Variants in AKAP9 observed in about 807,000 individuals in gnomAD.
AKAP9 encodes A-kinase anchor protein 9.
Under a neutral mutation model 488.5 loss-of-function variants are expected in AKAP9, and 311 were observed. That is an observed-to-expected ratio of 0.64 (90% confidence interval 0.58 to 0.70). The LOEUF (loss-of-function observed/expected upper bound fraction) is 0.70, where lower values mean the gene tolerates loss of function less well. Ranked by LOEUF, AKAP9 falls within the 30% of genes least tolerant of loss-of-function variation. The pLI is 0.00. For synonymous variants in AKAP9, 1,462 were observed against 1,483.5 expected (o/e 0.99, Z 0.33); for missense variants, 4,215 against 4,374.5 (o/e 0.96, Z 1.03).
At position 92,070,904 on chromosome 7, in the gene AKAP9, G is replaced by C. The variant is rs1177271037; in HGVS notation, c.6508-1G>C. The C allele has an allele frequency of 3.1e-6, 5 of 1,604,724 alleles. No individual in the cohort carries two copies. Among genetic ancestry groups the C allele is most frequent in the Non-Finnish European group, 4.3e-6 (5 of 1,173,870 alleles). Reference sequence around the variant, plus strand: ...TTGAGAAAATTTTTATATATTTAAAGGTAGAGGACCGAAAACACTTTGGAG... The same window carrying C: ...TTGAGAAAATTTTTATATATTTAAACGTAGAGGACCGAAAACACTTTGGAG... On this transcript the variant is annotated splice_acceptor_variant, in intron 27 of 49. Coordinates refer to ENST00000356239, the MANE Select transcript of AKAP9 (RefSeq NM_005751.5). LOFTEE classifies it high-confidence loss of function.
intron 14 of AKAP9, among the ~76,000 whole-genome samples, chr7:92,025,496 AC>A (rs1230928897): frequency 6.6e-6 from 1 of 152,232 alleles, no homozygotes; most frequent in African/African-American, 2.4e-5. Context: ...TTTGGACATG[AC>A]TGTAACACAT....
At position 92,096,682 on chromosome 7, in the gene AKAP9, G is replaced by A. The variant is rs377255415; in HGVS notation, c.9730-7G>A. 1.1e-4 allele frequency: 181 copies of A among 1,613,756 alleles called. 2 individuals are homozygous for A. The highest frequency in any genetic ancestry group is 8.8e-4 in the South Asian group (80 of 90,938). On this transcript the variant is annotated splice_polypyrimidine_tract_variant and splice_region_variant and intron_variant, in intron 40 of 49. Coordinates refer to ENST00000356239, the MANE Select transcript of AKAP9 (RefSeq NM_005751.5). Reference sequence around the variant, plus strand: ...ACAAGTTCTTAAATTTGATTTTCTCGTACCAGGATCTGAAGTTTTCACTTG... The same window carrying A: ...ACAAGTTCTTAAATTTGATTTTCTCATACCAGGATCTGAAGTTTTCACTTG...
At chr7:91,979,919 C>T (rs116351350) in intron 2 of AKAP9, among the ~76,000 whole-genome samples, 1,600 of 152,146 alleles carry the variant, frequency 0.011, 25 homozygotes, top group African/African-American at 0.037. Context: ...CACAGTTAAC[C>T]ATGGGTAACT....
intron 18 of AKAP9, 193 bp downstream of exon 18, chr7:92,041,091 C>G: frequency 1.8e-6 from 1 of 546,506 alleles, no homozygotes; most frequent in Non-Finnish European, 3.2e-6. Context: ...AGCTTTAGAT[C>G]TTGTTAGGGA....
chr7:92,010,125 G>A (rs1800481286), intron 8 of AKAP9, among the ~76,000 whole-genome samples: 1 of 152,086 alleles, frequency 6.6e-6, no homozygotes, highest in South Asian at 2.1e-4. Context: ...GTAGGGGATT[G>A]GTCAGGGTGG....
chr7:91,956,658 G>T (rs1365528589), intron 1 of AKAP9, among the ~76,000 whole-genome samples: 2 of 150,854 alleles, frequency 1.3e-5, no homozygotes, highest in African/African-American at 4.9e-5. Flanking sequence ...ATTTTTTTTT[G>T]TAGAACATTA....
At chr7:92,013,406 G>A (rs1182388219) in intron 9 of AKAP9, among the ~76,000 whole-genome samples, 2 of 152,150 alleles carry the variant, frequency 1.3e-5, no homozygotes, top group Admixed American at 1.3e-4. Context: ...GTTATAGCTG[G>A]AGAGATTGGC....
intron 22 of AKAP9, 148 bp from the exon 23 acceptor site, chr7:92,061,112 C>A: frequency 4.4e-6 from 4 of 910,738 alleles, no homozygotes; most frequent in Admixed American, 2.1e-5. Context: ...ACCTGCTAAT[C>A]TTAGCATACA....
intron 1 of AKAP9, among the ~76,000 whole-genome samples, chr7:91,952,738 C>T (rs1238098672): frequency 6.6e-6 from 1 of 152,196 alleles, no homozygotes; most frequent in African/African-American, 2.4e-5. Flanking sequence ...AGGGCTCCAT[C>T]TTGAAAATCC....
chr7:92,101,958 T>C (rs1338026164), intron 45 of AKAP9, among the ~76,000 whole-genome samples: 2 of 151,756 alleles, frequency 1.3e-5, no homozygotes, highest in African/African-American at 4.8e-5. Flanking sequence ...GAGTTCGAGA[T>C]CAGCCTGGCC....
chr7:91,984,315 A>G (rs1796793440), intron 3 of AKAP9, among the ~76,000 whole-genome samples: 1 of 152,194 alleles, frequency 6.6e-6, no homozygotes, highest in South Asian at 2.1e-4. Flanking sequence ...TATAAGGTGT[A>G]AGGAAGGAGT....
At chr7:91,956,325 G>A (rs1000947141) in intron 1 of AKAP9, among the ~76,000 whole-genome samples, 6 of 151,174 alleles carry the variant, frequency 4.0e-5, no homozygotes, top group Non-Finnish European at 7.4e-5. Flanking sequence ...GCGTGGACCC[G>A]GGGGGCAGAA....
In AKAP9 at chr7:92,110,310, A is replaced by G. The variant is rs1819143242; in HGVS notation, c.*151A>G. On this transcript the variant is annotated 3_prime_UTR_variant, in exon 50 of 50. Coordinates refer to ENST00000356239, the MANE Select transcript of AKAP9 (RefSeq NM_005751.5). ...ACAAATCCCTTGCCAGCACATGAAA[A>G]CAAACTGGAATTTGTATATATAAGC... 1 of 652,368 alleles carries G rather than the reference A, an allele frequency of 1.5e-6. No homozygotes were observed. Among genetic ancestry groups the G allele is most frequent in the Non-Finnish European group, 2.7e-6 (1 of 371,930 alleles). The allele number at this position is 652,368 out of a possible 1,614,324, so 40.4% of individuals were successfully genotyped here.
At chr7:92,100,219 C>A (rs544998936) in intron 44 of AKAP9, among the ~76,000 whole-genome samples, 4 of 152,112 alleles carry the variant, frequency 2.6e-5, no homozygotes. Flanking sequence ...AACAGATACA[C>A]GAGATGTTCA....
At chr7:92,068,711 CT>C (rs933126463) in intron 26 of AKAP9, among the ~76,000 whole-genome samples, 9 of 150,514 alleles carry the variant, frequency 6.0e-5, no homozygotes, top group Middle Eastern at 3.4e-3. Context: ...TCCTCAGCAG[CT>C]TTTTTTTTCC....
chr7:92,066,430 C>G lies in AKAP9; in HGVS notation c.6214C>G (p.Gln2072Glu). 2 of 1,612,912 alleles carry G rather than the reference C, an allele frequency of 1.2e-6. No homozygotes were observed. Among genetic ancestry groups the G allele is most frequent in the Non-Finnish European group, 1.7e-6 (2 of 1,179,240 alleles). The change falls in exon 26 of 50, where the codon CAA (glutamine) becomes GAA (glutamate). Residue 2072 changes from glutamine (Q) to glutamate (E), a missense_variant. Gln to Glu is a conservative substitution (Grantham distance 29). Coordinates refer to ENST00000356239, the MANE Select transcript of AKAP9 (RefSeq NM_005751.5). ...CATTATTGTCATTAAACTTTAGGAGCAAGCCATTGACAGAGAACATGAGAG... is the reference window on the plus strand; with the variant it reads ...CATTATTGTCATTAAACTTTAGGAGGAAGCCATTGACAGAGAACATGAGAG... ...LEKMRKFLDE[Q>E]AIDREHERDV...
chr7:91,951,508 A>G (rs1282144009), intron 1 of AKAP9, among the ~76,000 whole-genome samples: 1 of 151,968 alleles, frequency 6.6e-6, no homozygotes, highest in Non-Finnish European at 1.5e-5. Context: ...AATTTTTTGT[A>G]GAGACAGGGT....
intron 29 of AKAP9, among the ~76,000 whole-genome samples, chr7:92,077,249 C>T (rs190986902): frequency 5.1e-4 from 77 of 151,792 alleles, no homozygotes; most frequent in Middle Eastern, 3.4e-3. Context: ...CGTACCACCA[C>T]GCCTGGCTAA....
chr7:91,982,103 T>G (rs1796490828), intron 3 of AKAP9, among the ~76,000 whole-genome samples: 1 of 152,194 alleles, frequency 6.6e-6, no homozygotes, highest in South Asian at 2.1e-4. Flanking sequence ...AGCTGTTTTC[T>G]CACATTGAGA....
Sources: gnomAD v4.1 joint callset for allele counts (sites outside exome capture counted in the v4.1 genomes callset) on GRCh38, gnomAD v4.1.1 for gene constraint, MANE v1.5 for transcripts, NCBI Gene and HGNC (gene_info 2026-07-23, HGNC 2026-07-21) for gene names.